The following TRAPPC9 variants were observed in gnomAD, a reference collection of about 807,000 sequenced individuals.
TRAPPC9 encodes the protein IKK2 binding protein.
TRAPPC9 carries 83 observed loss-of-function variants against 124.0 expected under a neutral mutation model. That is an observed-to-expected ratio of 0.67 (90% CI 0.56 to 0.80). TRAPPC9 has a LOEUF of 0.80. TRAPPC9 is among the 30% of genes least tolerant of loss of function. The pLI, the probability that TRAPPC9 is intolerant of heterozygous loss-of-function variation, is 0.00. For missense variants in TRAPPC9, 1,302 were observed against 1,508.3 expected, an observed-to-expected ratio of 0.86 and a Z score of 2.27; for synonymous variants, 638 against 617.5, an observed-to-expected ratio of 1.03 and a Z score of -0.49.
chr8:140,451,687 T>C (rs548174212), intron 1 of TRAPPC9, among the ~76,000 whole-genome samples: 1 of 152,280 alleles, frequency 6.6e-6, no homozygotes, highest in African/African-American at 2.4e-5. Context: ...AAAATGTCTG[T>C]TGAGTGAATG....
intron 17 of TRAPPC9, among the ~76,000 whole-genome samples, chr8:140,042,928 G>A (rs1484933991): frequency 2.0e-5 from 3 of 152,200 alleles, no homozygotes; most frequent in Non-Finnish European, 2.9e-5. Flanking sequence ...CTAGGTGAAC[G>A]GCTCCCATCT....
chr8:139,812,779 C>A (rs951114549), intron 21 of TRAPPC9, among the ~76,000 whole-genome samples: 1 of 152,158 alleles, frequency 6.6e-6, no homozygotes, highest in African/African-American at 2.4e-5. Flanking sequence ...AGAATTTGAA[C>A]CCTTGGAAGA....
chr8:139,967,882 T>C (rs565346380), intron 19 of TRAPPC9, among the ~76,000 whole-genome samples: 20 of 152,208 alleles, frequency 1.3e-4, no homozygotes, highest in Non-Finnish European at 2.8e-4. Context: ...CTCACACCTA[T>C]AATCCCAGCA....
At chr8:140,155,068 A>T (rs2061605595) in intron 17 of TRAPPC9, among the ~76,000 whole-genome samples, 1 of 152,200 alleles carries the variant, frequency 6.6e-6, no homozygotes, top group Admixed American at 6.5e-5. Context: ...CACTCAGCCG[A>T]GGCTCAATAA....
intron 21 of TRAPPC9, among the ~76,000 whole-genome samples, chr8:139,814,198 G>T (rs1034638907): frequency 2.0e-5 from 3 of 152,206 alleles, no homozygotes; most frequent in African/African-American, 7.2e-5. Flanking sequence ...GCGGCCAGGG[G>T]CAGGCTGTGA....
intron 9 of TRAPPC9, among the ~76,000 whole-genome samples, chr8:140,324,984 T>C (rs139272176): frequency 3.0e-3 from 452 of 151,926 alleles, no homozygotes; most frequent in African/African-American, 0.01. Flanking sequence ...CAATACATTT[T>C]AAAAGACTGA....
chr8:140,131,208 G>A (rs968242575), intron 17 of TRAPPC9, among the ~76,000 whole-genome samples: 1 of 152,044 alleles, frequency 6.6e-6, no homozygotes, highest in Non-Finnish European at 1.5e-5. Flanking sequence ...TGCACGTCAG[G>A]TTTTGTTCTT....
intron 17 of TRAPPC9, among the ~76,000 whole-genome samples, chr8:140,156,174 C>T (rs1337108984): frequency 6.6e-6 from 1 of 152,210 alleles, no homozygotes; most frequent in Non-Finnish European, 1.5e-5. Context: ...GCATGCTCAA[C>T]ACCTCCCGCC....
intron 21 of TRAPPC9, among the ~76,000 whole-genome samples, chr8:139,849,168 C>T (rs924828322): frequency 1.3e-5 from 2 of 152,180 alleles, no homozygotes; most frequent in African/African-American, 2.4e-5. Context: ...TCTAGGATAC[C>T]TGGAGAAAAG....
rs751979838 is a variant in TRAPPC9, at chr8:140,275,777, G to A, written c.2159C>T (p.Thr720Ile). The part of the protein sequence containing the change: ...LQPSSGDEIS[T>I]NVSVQLYNGE... ...ATTGTAAAGCTGGACAGATACATTAGTAGATATTTCATCACCAGAAGAAGG... is the reference window on the plus strand; with the variant it reads ...ATTGTAAAGCTGGACAGATACATTAATAGATATTTCATCACCAGAAGAAGG... The change falls in exon 15 of 23, where the codon ACT (threonine) becomes ATT (isoleucine). Residue 720 changes from threonine (T) to isoleucine (I), a missense_variant. By Grantham distance (89) the Thr-to-Ile change is moderately conservative (BLOSUM62 -1). Coordinates refer to ENST00000438773, the MANE Select transcript of TRAPPC9 (RefSeq NM_001160372.4). 1 of 1,613,160 alleles carries A rather than the reference G, an allele frequency of 6.2e-7. No individual in the cohort carries two copies. Among genetic ancestry groups the A allele is most frequent in the African/African-American group, 1.3e-5 (1 of 74,910 alleles).
intron 19 of TRAPPC9, among the ~76,000 whole-genome samples, chr8:139,958,221 GT>G (rs1835126237): frequency 6.6e-6 from 1 of 152,208 alleles, no homozygotes; most frequent in African/African-American, 2.4e-5. Flanking sequence ...CCCAAGGCCA[GT>G]CCCCACGGCT....
chr8:140,353,061 G>A lies in TRAPPC9; in HGVS notation c.1495+6989C>T, dbSNP rs58818739. Among the ~76,000 whole-genome samples, 816 of 152,172 alleles carry A rather than the reference G, an allele frequency of 5.4e-3. 9 individuals carry two copies. Among genetic ancestry groups the A allele is most frequent in the African/African-American group, 0.019 (773 of 41,508 alleles). On this transcript the variant is annotated intron_variant, in intron 9 of 22. Transcript: ENST00000438773. This position sits in a 1 kb window ranked among gnomAD's most constrained non-coding sequence, Gnocchi z 4.2. ...AAACCAAGACACAGATAGGGTTTTC[G>A]AGAAAACACCATCTACCCAGAGGCC...
chr8:140,145,967 T>C (rs953301219), intron 17 of TRAPPC9, among the ~76,000 whole-genome samples: 1 of 152,216 alleles, frequency 6.6e-6, no homozygotes, highest in Non-Finnish European at 1.5e-5. Flanking sequence ...CAATTCCTTT[T>C]CAATAATTCC....
chr8:140,182,855 C>A lies in TRAPPC9; in HGVS notation c.2556+38604G>T, dbSNP rs1035056067. Among the ~76,000 whole-genome samples, 1 of 152,154 alleles carries A rather than the reference C, an allele frequency of 6.6e-6. No individual in the cohort carries two copies. The highest frequency in any genetic ancestry group is 2.4e-5 in the African/African-American group (1 of 41,428). On this transcript the variant is annotated intron_variant, in intron 17 of 22. Transcript: ENST00000438773. The surrounding 1 kb of genome is among the most constrained non-coding windows in gnomAD (Gnocchi z 4.0). ...ATGCGTCCCCCAAACTGTGGCTCAACCACCAGCTTCCCAGTGCAGCCTTTC... is the reference window on the plus strand; with the variant it reads ...ATGCGTCCCCCAAACTGTGGCTCAAACACCAGCTTCCCAGTGCAGCCTTTC...
At chr8:140,239,889 C>A (rs1223290311) in intron 16 of TRAPPC9, among the ~76,000 whole-genome samples, 1 of 152,206 alleles carries the variant, frequency 6.6e-6, no homozygotes, top group African/African-American at 2.4e-5. Context: ...AAAAATAAGA[C>A]TACGAATTCC....
intron 21 of TRAPPC9, among the ~76,000 whole-genome samples, chr8:139,822,856 C>T (rs1825347564): frequency 6.6e-6 from 1 of 152,208 alleles, no homozygotes; most frequent in Non-Finnish European, 1.5e-5. Context: ...ACCACTGTGG[C>T]TTAAACAACA....
At chr8:139,913,626 C>T (rs925345095) in intron 19 of TRAPPC9, among the ~76,000 whole-genome samples, 1 of 152,230 alleles carries the variant, frequency 6.6e-6, no homozygotes, top group Non-Finnish European at 1.5e-5. Flanking sequence ...CCAACTGCTT[C>T]CCACATTTAC....
At chr8:140,444,870 A>AAAAAAAAAG (rs2071184229) in intron 2 of TRAPPC9, among the ~76,000 whole-genome samples, 2 of 150,262 alleles carry the variant, frequency 1.3e-5, no homozygotes, top group African/African-American at 2.5e-5. Flanking sequence ...ATCTCAGGAA[A>AAAAAAAAAG]AAAAAAAAAA....
chr8:140,074,100 G>C (rs889808193), intron 17 of TRAPPC9, among the ~76,000 whole-genome samples: 4 of 152,254 alleles, frequency 2.6e-5, no homozygotes, highest in Middle Eastern at 3.4e-3. Flanking sequence ...AAGTGCTCCC[G>C]ATCACGGACA....
Sources: gnomAD v4.1 joint callset for allele counts (sites outside exome capture counted in the v4.1 genomes callset) on GRCh38, gnomAD v4.1.1 for gene constraint, Gnocchi (gnomAD v3.1) non-coding constraint, MANE v1.5 for transcripts, NCBI Gene and HGNC (gene_info 2026-07-23, HGNC 2026-07-21) for gene names.